The following COL21A1 variants were observed in gnomAD, a reference collection of about 807,000 sequenced individuals.
COL21A1 encodes collagen type XXI alpha 1 chain, also known as collagen alpha-1(XXI) chain.
Under a neutral mutation model 137.9 loss-of-function variants are expected in COL21A1, and 149 were observed. That is an observed-to-expected ratio of 1.08 (90% confidence interval 0.95 to 1.24). The LOEUF (loss-of-function observed/expected upper bound fraction) is 1.24. Among genes scored for constraint, COL21A1 ranks in the 50% most tolerant of loss-of-function variants. COL21A1 has a pLI of 0.00. For synonymous variants in COL21A1, 456 were observed against 391.5 expected (o/e 1.16, Z -1.95); for missense variants, 1,167 against 1,158.4 (o/e 1.01, Z -0.11).
At chr6:56,281,644 T>G (rs527555992) in intron 1 of COL21A1, among the ~76,000 whole-genome samples, 31 of 152,340 alleles carry the variant, frequency 2.0e-4, no homozygotes, top group African/African-American at 6.7e-4. Context: ...GTCTCTTTCT[T>G]TATCCCCATT....
chr6:56,163,940 T>G (rs1776379171), intron 9 of COL21A1, among the ~76,000 whole-genome samples: 1 of 152,094 alleles, frequency 6.6e-6, no homozygotes. Context: ...CATGATTAAG[T>G]GAAATAAATG....
At chr6:56,345,042 A>G (rs1765564855) in intron 1 of COL21A1, among the ~76,000 whole-genome samples, 1 of 152,246 alleles carries the variant, frequency 6.6e-6, no homozygotes, top group African/African-American at 2.4e-5. Context: ...GCTTACCTAC[A>G]TGAAACACTG....
At chr6:56,314,939 C>A (rs1301491066) in intron 1 of COL21A1, among the ~76,000 whole-genome samples, 3 of 152,126 alleles carry the variant, frequency 2.0e-5, no homozygotes, top group South Asian at 2.1e-4. Flanking sequence ...CACCTGTAGA[C>A]AAGAATCTCT....
At chr6:56,319,459 T>C (rs1764816937) in intron 1 of COL21A1, among the ~76,000 whole-genome samples, 1 of 152,148 alleles carries the variant, frequency 6.6e-6, no homozygotes, top group Non-Finnish European at 1.5e-5. Context: ...TGCCTCAGCT[T>C]CCCAAGTAGC....
intron 16 of COL21A1, among the ~76,000 whole-genome samples, chr6:56,109,148 C>G (rs1167545044): frequency 1.3e-5 from 2 of 151,040 alleles, no homozygotes; most frequent in African/African-American, 4.8e-5. Context: ...ATTCAATTCT[C>G]AATTGCAAAA....
At chr6:56,335,576 CCTT>C (rs1357208519) in intron 1 of COL21A1, among the ~76,000 whole-genome samples, 1 of 152,184 alleles carries the variant, frequency 6.6e-6, no homozygotes, top group African/African-American at 2.4e-5. Context: ...TTCTAGTTAG[CCTT>C]CTTACAGCCC....
chr6:56,389,358 C>CA (rs1313265955), intron 1 of COL21A1, among the ~76,000 whole-genome samples: 3 of 146,098 alleles, frequency 2.1e-5, no homozygotes, highest in African/African-American at 2.5e-5. Context: ...GACTCCATCT[C>CA]AAAAAACAAA....
intron 9 of COL21A1, among the ~76,000 whole-genome samples, chr6:56,158,073 G>A (rs948392018): frequency 6.6e-6 from 1 of 152,028 alleles, no homozygotes; most frequent in Non-Finnish European, 1.5e-5. Flanking sequence ...TTTGTGAGGT[G>A]AGGGTGTTTT....
chr6:56,370,766 T>A (rs564277810), intron 1 of COL21A1, among the ~76,000 whole-genome samples: 1 of 152,312 alleles, frequency 6.6e-6, no homozygotes, highest in South Asian at 2.1e-4. Context: ...CAATTGCTCA[T>A]AATTAAACTG....
chr6:56,144,092 T>C (rs1774646565), intron 10 of COL21A1, among the ~76,000 whole-genome samples: 1 of 152,204 alleles, frequency 6.6e-6, no homozygotes, highest in Non-Finnish European at 1.5e-5. Context: ...CTCAACCACT[T>C]TGGAATCAGA....
intron 1 of COL21A1, among the ~76,000 whole-genome samples, chr6:56,377,290 G>A (rs7775609): frequency 0.065 from 9,817 of 151,846 alleles, 358 homozygotes; most frequent in Non-Finnish European, 0.074. Flanking sequence ...CGCCCGGCCC[G>A]GAAAAACAGT....
intron 17 of COL21A1, chr6:56,077,829 T>C (rs1281897950): frequency 2.4e-6 from 1 of 418,056 alleles, no homozygotes; most frequent in African/African-American, 2.1e-5. Context: ...TTCATCTCAG[T>C]TCTTGCACCC....
intron 19 of COL21A1, 137 bp from the exon 20 acceptor site, chr6:56,074,422 A>T: frequency 1.8e-6 from 1 of 554,112 alleles, no homozygotes; most frequent in Non-Finnish European, 3.0e-6. Flanking sequence ...TACAATATTT[A>T]GAAAATTACT....
chr6:56,277,007 A>T (rs1763680018), intron 1 of COL21A1, among the ~76,000 whole-genome samples: 2 of 128,914 alleles, frequency 1.6e-5, no homozygotes, highest in Non-Finnish European at 3.4e-5. Context: ...TTTTTAGTAG[A>T]GATGGGTTTT....
chr6:56,276,633 C>T (rs1292558497), intron 1 of COL21A1: 4 of 1,437,474 alleles, frequency 2.8e-6, no homozygotes, highest in Non-Finnish European at 3.9e-6. Context: ...TTCTCAAAAT[C>T]AATTTCTGGA....
At chr6:56,093,190 G>A (rs1769013637) in intron 17 of COL21A1, among the ~76,000 whole-genome samples, 1 of 152,030 alleles carries the variant, frequency 6.6e-6, no homozygotes, top group Non-Finnish European at 1.5e-5. Flanking sequence ...AAGAGCTGAT[G>A]TCTCGGGGAA....
intron 1 of COL21A1, among the ~76,000 whole-genome samples, chr6:56,196,039 T>C (rs1778999800): frequency 6.6e-6 from 1 of 152,130 alleles, no homozygotes; most frequent in Admixed American, 6.6e-5. Context: ...GTGGGATTTA[T>C]CCCTGAGATG....
chr6:56,109,000 G>T (rs1413439193), intron 16 of COL21A1, among the ~76,000 whole-genome samples: 1 of 151,456 alleles, frequency 6.6e-6, no homozygotes, highest in Non-Finnish European at 1.5e-5. Context: ...AGAAAAACTA[G>T]AATTACAAAA....
At chr6:56,060,837 C>T (rs779853230) in intron 26 of COL21A1, 42 bp from the exon 27 acceptor site, 31 of 1,584,972 alleles carry the variant, frequency 2.0e-5, no homozygotes, top group Non-Finnish European at 2.6e-5. Flanking sequence ...ACATAAAGAA[C>T]ATGAGCAAAA....
Sources: allele counts gnomAD v4.1 joint callset (sites outside exome capture counted in the v4.1 genomes callset), GRCh38; gene constraint gnomAD v4.1.1; transcripts MANE v1.5; gene names NCBI Gene and HGNC (gene_info 2026-07-23, HGNC 2026-07-21).